The following CEP85L variants were observed in gnomAD, a reference collection of about 807,000 sequenced individuals.
CEP85L encodes centrosomal protein 85L, also known as centrosomal protein of 85 kDa-like.
A neutral mutation model predicts 100.3 loss-of-function variants in CEP85L; 60 were observed. That is an observed-to-expected ratio of 0.60 (90% CI 0.49 to 0.74). CEP85L has a LOEUF of 0.74. Among genes scored for constraint, CEP85L ranks in the 30% least tolerant of loss-of-function variants. The probability of loss-of-function intolerance (pLI) is 0.00; values close to 1 mark genes in which losing one functional copy is unlikely to be tolerated. For missense variants in CEP85L, 973 were observed against 936.2 expected (o/e 1.04, Z -0.51); for synonymous variants, 319 against 322.7 (o/e 0.99, Z 0.12).
intron 7 of CEP85L, 68 bp downstream of exon 7, chr6:118,483,638 C>T: frequency 6.8e-7 from 1 of 1,472,812 alleles, no homozygotes; most frequent in Non-Finnish European, 9.2e-7. Flanking sequence ...TTATAGTTAG[C>T]CAAATTTCTA....
At chr6:118,541,136 T>C (rs192078656) in intron 3 of CEP85L, among the ~76,000 whole-genome samples, 330 of 152,304 alleles carry the variant, frequency 2.2e-3, no homozygotes, top group African/African-American at 7.6e-3. Flanking sequence ...AATAAGCCCA[T>C]TGAGAAAAGA....
At chr6:118,501,096 G>T (rs1221092930) in intron 5 of CEP85L, among the ~76,000 whole-genome samples, 1 of 152,110 alleles carries the variant, frequency 6.6e-6, no homozygotes, top group Non-Finnish European at 1.5e-5. Context: ...TCTTTGAAGA[G>T]GCTGGAGCAG....
chr6:118,632,693 T>A, intron 1 of CEP85L, 82 bp from the exon 2 acceptor site: 1 of 1,156,046 alleles, frequency 8.7e-7, no homozygotes, highest in East Asian at 2.4e-5. Flanking sequence ...AAAATACACA[T>A]AGGGTATAAA....
At chr6:118,612,300 T>C (rs1772680232) in intron 2 of CEP85L, among the ~76,000 whole-genome samples, 1 of 151,124 alleles carries the variant, frequency 6.6e-6, no homozygotes, top group South Asian at 2.1e-4. Context: ...AAATATAAAA[T>C]ATCAAAATTT....
chr6:118,646,762 A>C, intron 1 of CEP85L: 1 of 225,624 alleles, frequency 4.4e-6, no homozygotes, highest in Non-Finnish European at 7.4e-6. Context: ...TCAGGAAAAT[A>C]CTATCCAGAA....
chr6:118,666,909 G>T (rs1776150456), intron 1 of CEP85L, among the ~76,000 whole-genome samples: 1 of 152,182 alleles, frequency 6.6e-6, no homozygotes, highest in African/African-American at 2.4e-5. Context: ...GTATAGACTA[G>T]ATTTGCTCAG....
intron 2 of CEP85L, among the ~76,000 whole-genome samples, chr6:118,618,909 G>C (rs187066405): frequency 1.3e-5 from 2 of 152,310 alleles, no homozygotes; most frequent in Non-Finnish European, 2.9e-5. Context: ...GAACAGATAG[G>C]ACGCGTTGGC....
chr6:118,695,540 T>G (rs945997951), intron 1 of CEP85L, among the ~76,000 whole-genome samples: 1 of 152,184 alleles, frequency 6.6e-6, no homozygotes, highest in Non-Finnish European at 1.5e-5. Flanking sequence ...TGAAACTAGA[T>G]TATTTGCATT....
chr6:118,607,851 C>G (rs1202418591), intron 2 of CEP85L, among the ~76,000 whole-genome samples: 1 of 152,054 alleles, frequency 6.6e-6, no homozygotes. Context: ...CCACCACTTA[C>G]CCAAAGTTAG....
chr6:118,635,672 T>C (rs1186645642), intron 1 of CEP85L, among the ~76,000 whole-genome samples: 1 of 152,206 alleles, frequency 6.6e-6, no homozygotes, highest in Non-Finnish European at 1.5e-5. Context: ...ATAAAATGGC[T>C]AGAATTAAAA....
intron 2 of CEP85L, among the ~76,000 whole-genome samples, chr6:118,570,065 T>C (rs964303717): frequency 1.3e-5 from 2 of 152,150 alleles, no homozygotes; most frequent in Non-Finnish European, 2.9e-5. Flanking sequence ...TCTAGATATG[T>C]AGATGCGTGC....
intron 5 of CEP85L, chr6:118,501,822 GAGA>G: frequency 1.6e-6 from 2 of 1,284,634 alleles, no homozygotes; most frequent in Non-Finnish European, 2.2e-6. Flanking sequence ...GAGAGAGAGA[GAGA>G]GAGAGAGGAC....
At chr6:118,562,117 G>C (rs1054799163) in intron 3 of CEP85L, among the ~76,000 whole-genome samples, 116 of 152,238 alleles carry the variant, frequency 7.6e-4, no homozygotes, top group African/African-American at 2.6e-3. Flanking sequence ...ACTACCTAAT[G>C]AATGTGTCAT....
chr6:118,701,945 T>C (rs1341139139), intron 1 of CEP85L, among the ~76,000 whole-genome samples: 4 of 152,190 alleles, frequency 2.6e-5, no homozygotes, highest in African/African-American at 9.7e-5. Context: ...AAAAGGTCCA[T>C]ATGATGGAAC....
chr6:118,685,220 TAAG>T (rs1472599194), intron 1 of CEP85L, among the ~76,000 whole-genome samples: 1 of 152,176 alleles, frequency 6.6e-6, no homozygotes, highest in Non-Finnish European at 1.5e-5. Context: ...TAAAACAACA[TAAG>T]AAGTTGACCA....
Position 118,482,639 on chromosome 6 carries a change from T to G in CEP85L, c.1591-706A>C, listed in dbSNP as rs1273504894. Among the ~76,000 whole-genome samples, 3 of 152,208 alleles carry G rather than the reference T, an allele frequency of 2.0e-5. No individual in the cohort carries two copies. The East Asian group carries it at 5.8e-4, about 29-fold the overall frequency. ...TGGGCTACTTCCACCTTTTGGCTAT[T>G]GTGAATAATCACATTATAAACATGG... On this transcript the variant is annotated intron_variant, in intron 7 of 12. Transcript: ENST00000368491.
intron 3 of CEP85L, among the ~76,000 whole-genome samples, chr6:118,562,202 G>A (rs887947127): frequency 8.9e-4 from 136 of 152,148 alleles, no homozygotes; most frequent in African/African-American, 3.1e-3. Flanking sequence ...AAAAATTAAA[G>A]CCAGAACAGG....
At chr6:118,625,708 C>T (rs1263549439) in intron 2 of CEP85L, among the ~76,000 whole-genome samples, 2 of 152,114 alleles carry the variant, frequency 1.3e-5, no homozygotes, top group South Asian at 2.1e-4. Context: ...ATGAAGAGAA[C>T]GTAGAAAGAG....
chr6:118,490,040 G>C (rs1284997233), intron 6 of CEP85L, among the ~76,000 whole-genome samples: 1 of 151,918 alleles, frequency 6.6e-6, no homozygotes, highest in Non-Finnish European at 1.5e-5. Flanking sequence ...ACTTTGAAAA[G>C]AGAAATCCCA....
Sources: gnomAD v4.1 joint callset for allele counts (sites outside exome capture counted in the v4.1 genomes callset) on GRCh38, gnomAD v4.1.1 for gene constraint, MANE v1.5 for transcripts, NCBI Gene and HGNC (gene_info 2026-07-23, HGNC 2026-07-21) for gene names.